The following CFAP61 variants were observed in gnomAD, a reference collection of about 807,000 sequenced individuals.
CFAP61 encodes the protein cilia and flagella associated protein 61.
CFAP61 carries 107 observed loss-of-function variants against 135.6 expected under a neutral mutation model. The observed-to-expected ratio is 0.79, with a 90% CI of 0.67 to 0.93. The LOEUF is 0.93. CFAP61 is among the 40% of genes least tolerant of loss of function. The pLI is 0.00. For synonymous variants in CFAP61, 575 were observed against 578.5 expected, an observed-to-expected ratio of 0.99 and a Z score of 0.09; for missense variants, 1,507 against 1,556.2, an observed-to-expected ratio of 0.97 and a Z score of 0.53.
chr20:20,105,885 C>T (rs984888457), intron 8 of CFAP61, among the ~76,000 whole-genome samples: 18 of 150,302 alleles, frequency 1.2e-4, no homozygotes, highest in East Asian at 1.2e-3. Context: ...GTGATCCGCC[C>T]ACCTCAGCCT....
chr20:20,074,148 C>T (rs1372034104), intron 3 of CFAP61, among the ~76,000 whole-genome samples, 154 bp from the exon 4 acceptor site: 5 of 152,272 alleles, frequency 3.3e-5, no homozygotes, highest in South Asian at 4.1e-4. Context: ...GCTCAAATGC[C>T]GCCTGGGTGT....
At chr20:20,156,595 C>T (rs927082769) in intron 9 of CFAP61, among the ~76,000 whole-genome samples, 3 of 152,030 alleles carry the variant, frequency 2.0e-5, no homozygotes, top group Admixed American at 2.0e-4. Context: ...TTAAGACTAT[C>T]TTTCACTCAC....
chr20:20,246,139 C>T lies in CFAP61; in HGVS notation c.2083C>T (p.Leu695Phe). 6.2e-7 allele frequency: 1 copy of T among 1,612,142 alleles called. No homozygotes were observed. Residue 695 changes from leucine to phenylalanine, a missense_variant, in exon 19 of 27, where the codon CTT (leucine) becomes TTT (phenylalanine). Transcript: ENST00000245957. ...TAGCTCTCACATGAAGTTTAATAAT[C>T]TTACCCTGATTTCAACTCATGGACT... ...VFCSHMKFNN[L>F]TLISTHGLPG...
chr20:20,351,383 C>T (rs1482900913), intron 26 of CFAP61, among the ~76,000 whole-genome samples: 2 of 152,108 alleles, frequency 1.3e-5, no homozygotes, highest in Non-Finnish European at 2.9e-5. Flanking sequence ...GAGTTCAAGA[C>T]CAGCCTGGCC....
At chr20:20,091,008 A>G in intron 7 of CFAP61, 32 bp downstream of exon 7, 1 of 1,611,128 alleles carries the variant, frequency 6.2e-7, no homozygotes, top group Non-Finnish European at 8.5e-7. Flanking sequence ...GAACACACTT[A>G]GTGAGAGGAA....
chr20:20,058,878 C>A (rs1030965450), intron 2 of CFAP61, among the ~76,000 whole-genome samples: 1 of 151,998 alleles, frequency 6.6e-6, no homozygotes, highest in African/African-American at 2.4e-5. Flanking sequence ...AGCTCACAGT[C>A]AAAAATCGTA....
intron 2 of CFAP61, among the ~76,000 whole-genome samples, chr20:20,068,548 C>T (rs890780730): frequency 8.5e-5 from 13 of 152,130 alleles, no homozygotes; most frequent in Non-Finnish European, 1.8e-4. Flanking sequence ...GCTTCATTCC[C>T]CTGTGGCTGA....
At chr20:20,294,466 C>A (rs1198539194) in intron 24 of CFAP61, among the ~76,000 whole-genome samples, 1 of 152,174 alleles carries the variant, frequency 6.6e-6, no homozygotes, top group Non-Finnish European at 1.5e-5. Context: ...GGACACTGCT[C>A]CTTCCAAAGT....
At chr20:20,240,211 T>A (rs902903007) in intron 18 of CFAP61, among the ~76,000 whole-genome samples, 1 of 152,130 alleles carries the variant, frequency 6.6e-6, no homozygotes, top group African/African-American at 2.4e-5. Context: ...GTATAGTACA[T>A]TGTAGTAAAT....
chr20:20,126,116 G>A (rs2050046944), intron 8 of CFAP61, among the ~76,000 whole-genome samples: 1 of 151,662 alleles, frequency 6.6e-6, no homozygotes, highest in Non-Finnish European at 1.5e-5. Flanking sequence ...TTATGTGTGA[G>A]TCTCCTGAAG....
At chr20:20,191,012 G>C (rs934615224) in intron 14 of CFAP61, among the ~76,000 whole-genome samples, 1 of 152,084 alleles carries the variant, frequency 6.6e-6, no homozygotes, top group African/African-American at 2.4e-5. Context: ...CCAGTTGCTT[G>C]GGAGGCTGAG....
intron 8 of CFAP61, among the ~76,000 whole-genome samples, chr20:20,128,992 CTAT>C (rs1371956290): frequency 6.6e-6 from 1 of 151,296 alleles, no homozygotes; most frequent in Non-Finnish European, 1.5e-5. Context: ...GTTGTTATAA[CTAT>C]TATTATAATT....
intron 13 of CFAP61, among the ~76,000 whole-genome samples, chr20:20,183,886 C>A (rs2055303436): frequency 6.6e-6 from 1 of 152,142 alleles, no homozygotes; most frequent in Non-Finnish European, 1.5e-5. Context: ...CCGTTCCTCC[C>A]CCTGAAATTC....
intron 25 of CFAP61, among the ~76,000 whole-genome samples, chr20:20,312,844 A>G (rs1455021257): frequency 2.0e-5 from 3 of 152,206 alleles, no homozygotes; most frequent in Admixed American, 2.0e-4. Context: ...TTGATTATAT[A>G]TTATGTAACA....
At chr20:20,140,268 A>G (rs1177655882) in intron 8 of CFAP61, among the ~76,000 whole-genome samples, 1 of 150,714 alleles carries the variant, frequency 6.6e-6, no homozygotes, top group Non-Finnish European at 1.5e-5. Flanking sequence ...ATGTATACAT[A>G]TGCCATGCTG....
intron 18 of CFAP61, among the ~76,000 whole-genome samples, chr20:20,244,900 C>G (rs2050320109): frequency 1.3e-5 from 2 of 152,228 alleles, no homozygotes; most frequent in African/African-American, 2.4e-5. Flanking sequence ...TAAATTATCT[C>G]TCTCAAGTTC....
intron 17 of CFAP61, among the ~76,000 whole-genome samples, chr20:20,218,062 T>G (rs2048153685): frequency 6.6e-6 from 1 of 152,192 alleles, no homozygotes; most frequent in South Asian, 2.1e-4. Flanking sequence ...TTCTCCAAGC[T>G]GCCTTATGTG....
intron 7 of CFAP61, 28 bp downstream of exon 7, chr20:20,091,004 A>C (rs1304339453): frequency 6.2e-7 from 1 of 1,611,772 alleles, no homozygotes; most frequent in Non-Finnish European, 8.5e-7. Flanking sequence ...GTGGGAACAC[A>C]CTTAGTGAGA....
At chr20:20,072,091 C>CTTTTTTTTTTT (rs71198039) in intron 3 of CFAP61, among the ~76,000 whole-genome samples, 2 of 57,638 alleles carry the variant, frequency 3.5e-5, no homozygotes, top group Admixed American at 2.6e-4. Flanking sequence ...ATCTAGCAAT[C>CTTTTTTTTTTT]TTTTTTTTTT....
Sources: gnomAD v4.1 joint callset for allele counts (sites outside exome capture counted in the v4.1 genomes callset) on GRCh38, gnomAD v4.1.1 for gene constraint, MANE v1.5 for transcripts, NCBI Gene and HGNC (gene_info 2026-07-23, HGNC 2026-07-21) for gene names.